Variants in ITPKB observed in about 807,000 individuals in gnomAD.
ITPKB encodes the protein IP3 3-kinase B.
A neutral mutation model predicts 69.4 loss-of-function variants in ITPKB; 13 were observed. The observed-to-expected ratio is 0.19, with a 90% confidence interval of 0.12 to 0.30. The LOEUF is 0.30. Ranked by LOEUF, ITPKB falls within the 10% of genes least tolerant of loss-of-function variation. ITPKB has a pLI of 1.00. For missense variants in ITPKB, 1,240 were observed against 1,250.5 expected (o/e 0.99, Z 0.13); for synonymous variants, 584 against 513.7 (o/e 1.14, Z -1.85).
intron 7 of ITPKB, among the ~76,000 whole-genome samples, chr1:226,636,705 T>G (rs1668842824): frequency 6.6e-6 from 1 of 151,386 alleles, no homozygotes; most frequent in Admixed American, 6.6e-5. Flanking sequence ...AGGATCCCGC[T>G]TCACACCCAC....
At chr1:226,698,331 G>A (rs923015467) in intron 2 of ITPKB, among the ~76,000 whole-genome samples, 2 of 152,244 alleles carry the variant, frequency 1.3e-5, no homozygotes, top group African/African-American at 4.8e-5. Flanking sequence ...TGACCTTAGA[G>A]GCCAGAAGGG....
At chr1:226,719,265 C>T (rs536210445) in intron 2 of ITPKB, among the ~76,000 whole-genome samples, 5 of 152,202 alleles carry the variant, frequency 3.3e-5, no homozygotes, top group South Asian at 2.1e-4. Flanking sequence ...GGCAATAGAG[C>T]GGGACAAAAC....
intron 2 of ITPKB, among the ~76,000 whole-genome samples, chr1:226,723,551 T>TTC (rs893054845): frequency 6.6e-6 from 1 of 151,910 alleles, no homozygotes; most frequent in Admixed American, 6.6e-5. Flanking sequence ...AGTAGTGTTG[T>TTC]TCTACACACA....
chr1:226,640,716 G>A (rs997521618), intron 5 of ITPKB, among the ~76,000 whole-genome samples: 2 of 152,112 alleles, frequency 1.3e-5, no homozygotes, highest in Admixed American at 6.5e-5. Context: ...GGATGGGTAC[G>A]GAATTTGCAT....
intron 5 of ITPKB, among the ~76,000 whole-genome samples, chr1:226,640,710 G>C (rs1262862581): frequency 6.6e-6 from 1 of 152,114 alleles, no homozygotes; most frequent in East Asian, 1.9e-4. Flanking sequence ...GAAGGCGGAT[G>C]GGTACGGAAT....
At chr1:226,726,392 C>A (rs1483353927) in intron 2 of ITPKB, among the ~76,000 whole-genome samples, 1 of 152,226 alleles carries the variant, frequency 6.6e-6, no homozygotes. Context: ...GGCTCAGTGG[C>A]TCCCAGCTGT....
At chr1:226,713,881 T>C (rs1265091835) in intron 2 of ITPKB, among the ~76,000 whole-genome samples, 3 of 152,092 alleles carry the variant, frequency 2.0e-5, no homozygotes, top group Non-Finnish European at 4.4e-5. Flanking sequence ...GTTCTATCAC[T>C]CCCACCCCAA....
chr1:226,701,277 G>A (rs1487092879), intron 2 of ITPKB, among the ~76,000 whole-genome samples: 1 of 152,204 alleles, frequency 6.6e-6, no homozygotes, highest in Admixed American at 6.5e-5. Context: ...AATTCTAACT[G>A]TGCTAACATC....
intron 2 of ITPKB, among the ~76,000 whole-genome samples, chr1:226,652,021 C>A (rs1010345217): frequency 6.6e-6 from 1 of 152,272 alleles, no homozygotes; most frequent in African/African-American, 2.4e-5. Context: ...GAATGCCATG[C>A]ACTTGCACTG....
chr1:226,683,847 C>G (rs1656140505), intron 2 of ITPKB, among the ~76,000 whole-genome samples: 2 of 152,122 alleles, frequency 1.3e-5, no homozygotes, highest in Non-Finnish European at 2.9e-5. Context: ...TGCCTCAGAA[C>G]ACAGCTTTCA....
At chr1:226,694,371 G>T (rs1656427957) in intron 2 of ITPKB, among the ~76,000 whole-genome samples, 1 of 152,180 alleles carries the variant, frequency 6.6e-6, no homozygotes, top group South Asian at 2.1e-4. Context: ...CTTTTATTAG[G>T]ACCCTAGAAG....
chr1:226,640,263 C>T (rs1668931739), intron 5 of ITPKB, among the ~76,000 whole-genome samples: 1 of 152,238 alleles, frequency 6.6e-6, no homozygotes, highest in South Asian at 2.1e-4. Flanking sequence ...TCTGTTCAGG[C>T]TGTCCTGGGC....
At chr1:226,711,505 C>T (rs1039887144) in intron 2 of ITPKB, among the ~76,000 whole-genome samples, 1 of 151,684 alleles carries the variant, frequency 6.6e-6, no homozygotes, top group Non-Finnish European at 1.5e-5. Context: ...TGCTCCAAGG[C>T]CCAGATGCCC....
rs577648445 is a variant in ITPKB, at chr1:226,637,493, C to T, written c.2625+186G>A. ...GCCAGGGGTCTCAGGCAGGACAGCC[C>T]GTGTGGTCACCCCAGGAAGCATTGA... On this transcript the variant is annotated intron_variant, in intron 7 of 7. Transcript: ENST00000429204. The surrounding 1 kb of genome is among the most constrained non-coding windows in gnomAD (Gnocchi z 4.3). Among the ~76,000 whole-genome samples the T allele has an allele frequency of 1.3e-5, 2 of 152,328 alleles. No homozygotes were observed. The highest frequency in any genetic ancestry group is 2.4e-5 in the African/African-American group (1 of 41,570).
chr1:226,647,989 G>A (rs1213830329), intron 3 of ITPKB, among the ~76,000 whole-genome samples: 2 of 152,214 alleles, frequency 1.3e-5, no homozygotes, highest in Admixed American at 6.5e-5. Flanking sequence ...GTGAAGTCAC[G>A]AAGGCCAAGT....
intron 2 of ITPKB, among the ~76,000 whole-genome samples, chr1:226,702,420 A>C (rs966127373): frequency 1.3e-5 from 2 of 151,730 alleles, no homozygotes; most frequent in Non-Finnish European, 2.9e-5. Flanking sequence ...AAAAAGGGAA[A>C]GTTCAACTTG....
At position 226,659,251 on chromosome 1, in the gene ITPKB, A is replaced by G. The variant is rs914512114; in HGVS notation, c.1933-10480T>C. Among the ~76,000 whole-genome samples, 2 of 152,052 alleles carry G rather than the reference A, an allele frequency of 1.3e-5. 1 individual carries two copies. The highest frequency in any genetic ancestry group is 6.8e-3 in the Middle Eastern group (2 of 294). The stretch of plus-strand genomic sequence containing the variant: ...CCATCATGGCCACTCTTCCTCTTCC[A>G]CCATAAGCCCTAAACCCTGCCAAAG... On this transcript the variant is annotated intron_variant, in intron 2 of 7. Coordinates refer to ENST00000429204, the MANE Select transcript of ITPKB (RefSeq NM_002221.4).
rs1455765540 is a variant in ITPKB, at chr1:226,642,088, T to C, written c.2284A>G (p.Lys762Glu). 6.2e-7 allele frequency: 1 copy of C among 1,614,114 alleles called. No homozygotes were observed. The highest frequency in any genetic ancestry group is 1.7e-5 in the Admixed American group (1 of 60,024). The change falls in exon 5 of 8, where the codon AAG becomes GAG. Residue 762 changes from lysine (K) to glutamate (E), a missense_variant. Lys to Glu is a moderately conservative substitution (Grantham distance 56, BLOSUM62 1). Transcript: ENST00000429204. This position sits in a 1 kb window ranked among gnomAD's most constrained non-coding sequence, Gnocchi z 6.4. ...TACATGTCCTTCCGCAGGCTGGGCTTCTTCCGGGCCTTCGTGAGCTCCTCC... is the reference window on the plus strand; with the variant it reads ...TACATGTCCTTCCGCAGGCTGGGCTCCTTCCGGGCCTTCGTGAGCTCCTCC... ...LEEELTKARK[K>E]PSLRKDMYQK...
rs34561047 is a variant in ITPKB at position 226,639,054 on chromosome 1, CTTTTTTT to C, written c.2553+496_2553+502del. ...TGGGTACTAACTTCAGTGCCCTTGA[CTTTTTTT>C]TTTTTTTTTTTCCCAGACAGAGTTT... On this transcript the variant is annotated intron_variant, in intron 6 of 7. Transcript: ENST00000429204. 4.8e-5 allele frequency among the ~76,000 whole-genome samples: 6 copies of C among 123,806 alleles called. No individual in the cohort carries two copies. The Admixed American group carries it at 5.0e-4, about 10-fold the overall frequency. The allele number at this position is 123,806 out of a possible 152,430, so 81.2% of individuals were successfully genotyped here. A position where few individuals can be genotyped will look rare whatever the true frequency, so the allele number is the denominator to read the frequency against.
Sources: gnomAD v4.1 joint callset for allele counts (sites outside exome capture counted in the v4.1 genomes callset) on GRCh38, gnomAD v4.1.1 for gene constraint, Gnocchi (gnomAD v3.1) non-coding constraint, MANE v1.5 for transcripts, NCBI Gene and HGNC (gene_info 2026-07-23, HGNC 2026-07-21) for gene names.